Variants in MANSC1 observed in about 807,000 individuals in gnomAD.
MANSC1 encodes the protein MANSC domain containing 1.
Under a neutral mutation model 14.1 loss-of-function variants are expected in MANSC1, and 13 were observed. The observed-to-expected ratio is 0.92, with a 90% CI of 0.60 to 1.46. MANSC1 has a LOEUF of 1.46. Among genes scored for constraint, MANSC1 ranks in the 40% most tolerant of loss-of-function variants. The pLI, the probability that MANSC1 is intolerant of heterozygous loss-of-function variation, is 0.00. For synonymous variants in MANSC1, 227 were observed against 200.7 expected (o/e 1.13, Z -1.11); for missense variants, 486 against 511.4 (o/e 0.95, Z 0.48).
intron 1 of MANSC1, among the ~76,000 whole-genome samples, chr12:12,346,703 C>T (rs910952045): frequency 1.3e-5 from 2 of 152,172 alleles, no homozygotes; most frequent in Non-Finnish European, 2.9e-5. Context: ...ACATACTTTA[C>T]ACCTTTCACA....
At chr12:12,338,740 A>T (rs1221741311) in intron 2 of MANSC1, 180 bp from the exon 3 acceptor site, 1 of 627,536 alleles carries the variant, frequency 1.6e-6, no homozygotes, top group Admixed American at 3.2e-5. Flanking sequence ...AGGCAATTTT[A>T]AAAAACATTG....
Position 12,330,179 on chromosome 12 carries a change from C to G in MANSC1, c.1144G>C (p.Glu382Gln), listed in dbSNP as rs1311438911. Residue 382 changes from glutamate (E) to glutamine (Q), a missense_variant, in exon 4 of 4, where the codon GAA becomes CAA. By Grantham distance (29) the Glu-to-Gln change is conservative. Transcript: ENST00000535902. ...VPENQYGLPF[E>Q]KWLLIGSLLF... ...AGGGACCCGATAAGAAGCCATTTTT[C>G]AAATGGAAGGCCGTACTGATTTTCT... 1 of 1,614,156 alleles carries G rather than the reference C, an allele frequency of 6.2e-7. No homozygotes were observed. The highest frequency in any genetic ancestry group is 8.5e-7 in the Non-Finnish European group (1 of 1,180,020).
In MANSC1 at chr12:12,328,333, C is replaced by G. The variant is rs542800144; in HGVS notation, c.*1694G>C. 1.3e-5 allele frequency: 2 copies of G among 152,198 alleles called. No individual in the cohort carries two copies. Among genetic ancestry groups the G allele is most frequent in the African/African-American group, 4.8e-5 (2 of 41,534 alleles). The allele number at this position is 152,198 out of a possible 1,614,324, so 9.4% of individuals were successfully genotyped here. A position where few individuals can be genotyped will look rare whatever the true frequency, so the allele number is the denominator to read the frequency against. ...AGCGCAATGGTGCAATCTGGCTCACCGCAACCTCCGCCTCCTGGATTCAAA... is the reference window on the plus strand; with the variant it reads ...AGCGCAATGGTGCAATCTGGCTCACGGCAACCTCCGCCTCCTGGATTCAAA... On this transcript the variant is annotated 3_prime_UTR_variant, in exon 4 of 4. Transcript: ENST00000535902.
At chr12:12,333,217 TTG>T (rs767797838) in intron 3 of MANSC1, among the ~76,000 whole-genome samples, 1 of 151,946 alleles carries the variant, frequency 6.6e-6, no homozygotes, top group Non-Finnish European at 1.5e-5. Context: ...CAGCTAATTT[TTG>T]TATTTTTTGT....
intron 2 of MANSC1, among the ~76,000 whole-genome samples, chr12:12,339,615 T>C (rs1862908345): frequency 6.6e-6 from 1 of 152,142 alleles, no homozygotes; most frequent in African/African-American, 2.4e-5. Context: ...AAGCCATGAG[T>C]GGAGTCAGTA....
In MANSC1 at chr12:12,327,861, G is replaced by C. The variant is rs986421950; in HGVS notation, c.*2166C>G. On this transcript the variant is annotated 3_prime_UTR_variant, in exon 4 of 4. Transcript: ENST00000535902. The stretch of plus-strand genomic sequence containing the variant: ...GAACTTAGTGTAAACCAGGGAAATG[G>C]GGGAGGGGTACCAGAAGAGCAGAGG... 2.0e-5 allele frequency: 3 copies of C among 152,296 alleles called. No individual in the cohort carries two copies. The highest frequency in any genetic ancestry group is 7.2e-5 in the African/African-American group (3 of 41,412). 9.4% of individuals were successfully genotyped at this position (152,296 alleles called of 1,614,324 possible).
chr12:12,349,216 C>T (rs149229538), intron 1 of MANSC1, among the ~76,000 whole-genome samples: 1,795 of 152,266 alleles, frequency 0.012, 15 homozygotes, highest in Non-Finnish European at 0.018. Context: ...GATACCTTAT[C>T]GTGGACTCCC....
intron 1 of MANSC1, among the ~76,000 whole-genome samples, chr12:12,347,245 G>C (rs1324252018): frequency 1.3e-5 from 2 of 152,186 alleles, no homozygotes; most frequent in Admixed American, 6.5e-5. Context: ...AGTACCATCT[G>C]GGGGTGATGG....
At chr12:12,333,615 A>G (rs199931158) in intron 3 of MANSC1, among the ~76,000 whole-genome samples, 1 of 151,878 alleles carries the variant, frequency 6.6e-6, no homozygotes, top group East Asian at 2.0e-4. Context: ...CCATTGGGGC[A>G]TGGTGCTTCC....
chr12:12,336,009 C>T (rs1341164063), intron 3 of MANSC1, among the ~76,000 whole-genome samples: 1 of 152,052 alleles, frequency 6.6e-6, no homozygotes, highest in African/African-American at 2.4e-5. Flanking sequence ...GTGGTGAAAC[C>T]CTATCTCTAC....
At position 12,330,597 on chromosome 12, in the gene MANSC1, T is replaced by C; in HGVS notation, c.726A>G (p.Pro242=). ...VASPHTTSAT[P]KPATLLPTNA... is the part of the protein sequence containing the mutation. The stretch of plus-strand genomic sequence containing the variant: ...TGGTGGGTAGAAGGGTGGCGGGCTT[T>C]GGAGTAGCCGAGGTGGTATGTGGAG... Residue 242 remains proline (P), a synonymous_variant, in exon 4 of 4, where the codon CCA becomes CCG. Coordinates refer to ENST00000535902, the MANE Select transcript of MANSC1 (RefSeq NM_018050.4). The C allele has an allele frequency of 6.2e-7, 1 of 1,614,192 alleles. No homozygotes were observed. Among genetic ancestry groups the C allele is most frequent in the African/African-American group, 1.3e-5 (1 of 75,056 alleles).
Position 12,338,612 on chromosome 12 carries a change from G to A in MANSC1, c.224-52C>T, listed in dbSNP as rs1201863045. The A allele has an allele frequency of 1.9e-6, 3 of 1,562,420 alleles. No homozygotes were observed. In the African/African-American group the frequency reaches 4.1e-5, roughly 21 times the overall value. On this transcript the variant is annotated intron_variant, in intron 2 of 3. Coordinates refer to ENST00000535902, the MANE Select transcript of MANSC1 (RefSeq NM_018050.4). ...ATTTTGAAATGCGATTTTCTAAAGA[G>A]TAGGGCAAGTAGGAAAAACTTCACT...
chr12:12,346,250 G>A (rs1483614326), intron 1 of MANSC1, among the ~76,000 whole-genome samples: 5 of 151,432 alleles, frequency 3.3e-5, no homozygotes, highest in African/African-American at 7.3e-5. Context: ...CAGCCTGGGC[G>A]ACAGAGCGAG....
intron 2 of MANSC1, chr12:12,339,310 A>C (rs1862903964): frequency 6.6e-6 from 1 of 151,826 alleles, no homozygotes; most frequent in Non-Finnish European, 1.5e-5. Context: ...GCTCAAGCTG[A>C]AGTGCAAATG....
chr12:12,349,684 T>C (rs1314902079), intron 1 of MANSC1, among the ~76,000 whole-genome samples: 1 of 152,214 alleles, frequency 6.6e-6, no homozygotes, highest in African/African-American at 2.4e-5. Flanking sequence ...AAGATGCTTA[T>C]AACTGTATAC....
At position 12,329,995 on chromosome 12, in the gene MANSC1, C is replaced by T; in HGVS notation, c.*32G>A. On this transcript the variant is annotated 3_prime_UTR_variant, in exon 4 of 4. Coordinates refer to ENST00000535902, the MANE Select transcript of MANSC1 (RefSeq NM_018050.4). ...CTCATTGCATTTGGGCTTCTGGTTACTAAATGAATTAAGAGACACCGAGTT... is the reference window on the plus strand; with the variant it reads ...CTCATTGCATTTGGGCTTCTGGTTATTAAATGAATTAAGAGACACCGAGTT... The T allele has an allele frequency of 6.4e-7, 1 of 1,571,950 alleles. No individual in the cohort carries two copies. The highest frequency in any genetic ancestry group is 8.7e-7 in the Non-Finnish European group (1 of 1,152,472).
chr12:12,334,368 G>GT (rs1482905212), intron 3 of MANSC1, among the ~76,000 whole-genome samples: 1 of 152,128 alleles, frequency 6.6e-6, no homozygotes, highest in African/African-American at 2.4e-5. Flanking sequence ...CAGATAATCT[G>GT]TATTTAATTT....
At chr12:12,347,908 C>G (rs928325408) in intron 1 of MANSC1, among the ~76,000 whole-genome samples, 6 of 151,122 alleles carry the variant, frequency 4.0e-5, no homozygotes, top group African/African-American at 1.5e-4. Flanking sequence ...AAAAAAAATA[C>G]AAAAATTAGC....
rs1369481562 is a variant in MANSC1 at position 12,330,527 on chromosome 12, T to A, written c.796A>T (p.Thr266Ser). The change falls in exon 4 of 4, where the codon ACC becomes TCC. Residue 266 changes from threonine to serine, a missense_variant. Transcript: ENST00000535902. The part of the protein sequence containing the change: ...PSGTSQPQLA[T>S]TAPPVTTVTS... ...ACAGTGGTTACAGGTGGAGCTGTGG[T>A]GGCCAGCTGTGGCTGGGAAGTCCCA... The A allele has an allele frequency of 6.2e-7, 1 of 1,614,068 alleles. No individual in the cohort carries two copies. The highest frequency in any genetic ancestry group is 1.7e-5 in the Admixed American group (1 of 60,004).
Sources: allele counts gnomAD v4.1 joint callset (sites outside exome capture counted in the v4.1 genomes callset), GRCh38; gene constraint gnomAD v4.1.1; transcripts MANE v1.5; gene names NCBI Gene and HGNC (gene_info 2026-07-23, HGNC 2026-07-21).